LINGO2: variants seen among roughly 807,000 people sequenced by gnomAD.
LINGO2 encodes leucine-rich repeat and immunoglobulin-like domain-containing nogo receptor-interacting protein 2.
A neutral mutation model predicts 30.6 loss-of-function variants in LINGO2; 14 were observed. The ratio of observed to expected loss-of-function variants is 0.46; its 90% CI spans 0.30 to 0.72. The LOEUF is 0.72. Among genes scored for constraint, LINGO2 ranks in the 30% least tolerant of loss-of-function variants. The pLI, the probability that LINGO2 is intolerant of heterozygous loss-of-function variation, is 0.07. For missense variants in LINGO2, 729 were observed against 751.7 expected (o/e 0.97, Z 0.35); for synonymous variants, 317 against 288.5 (o/e 1.10, Z -1.00).
intron 4 of LINGO2, among the ~76,000 whole-genome samples, chr9:28,201,751 C>A (rs1464418452): frequency 1.3e-5 from 2 of 152,002 alleles, no homozygotes; most frequent in African/African-American, 4.8e-5. Context: ...ATATTTAGTT[C>A]TTCCTTTCCC....
chr9:28,092,002 T>C (rs1445539127), intron 4 of LINGO2, among the ~76,000 whole-genome samples: 2 of 152,062 alleles, frequency 1.3e-5, no homozygotes, highest in African/African-American at 2.4e-5. Context: ...TGAGATACCA[T>C]CTCATACCAG....
At chr9:28,171,260 T>A (rs192391664) in intron 4 of LINGO2, among the ~76,000 whole-genome samples, 1 of 152,094 alleles carries the variant, frequency 6.6e-6, no homozygotes, top group Non-Finnish European at 1.5e-5. Flanking sequence ...AAAAACCCAG[T>A]CTGCAGGGAA....
At chr9:28,058,852 TAATC>T (rs1172145656) in intron 4 of LINGO2, among the ~76,000 whole-genome samples, 1 of 152,130 alleles carries the variant, frequency 6.6e-6, no homozygotes, top group Non-Finnish European at 1.5e-5. Context: ...AATTCCAACT[TAATC>T]TAAACTACTG....
chr9:28,052,860 G>C (rs750943970), intron 4 of LINGO2, among the ~76,000 whole-genome samples: 2 of 152,084 alleles, frequency 1.3e-5, no homozygotes, highest in Non-Finnish European at 2.9e-5. Context: ...TTATGTGACA[G>C]TAATTTGGAC....
chr9:28,831,189 A>T, the LINGO2 span, among the ~76,000 whole-genome samples: 1 of 152,248 alleles, frequency 6.6e-6, no homozygotes, highest in Non-Finnish European at 1.5e-5. Context: ...TATGTGTTTG[A>T]TACATTCCCT....
chr9:28,334,110 C>T (rs1489212001), intron 3 of LINGO2, among the ~76,000 whole-genome samples: 1 of 152,120 alleles, frequency 6.6e-6, no homozygotes, highest in African/African-American at 2.4e-5. Flanking sequence ...GAAGCCTTCT[C>T]TGAACATAGA....
the LINGO2 span, among the ~76,000 whole-genome samples, chr9:29,106,908 T>G: frequency 6.6e-6 from 1 of 152,162 alleles, no homozygotes; most frequent in Non-Finnish European, 1.5e-5. Flanking sequence ...CTTGAATTAT[T>G]TCAATGATTT....
chr9:28,993,397 C>T, the LINGO2 span, among the ~76,000 whole-genome samples: 1 of 152,068 alleles, frequency 6.6e-6, no homozygotes, highest in Non-Finnish European at 1.5e-5. Context: ...CAAAAAGAGT[C>T]CAGGACCAGA....
At chr9:29,173,710 A>ATGTAATTC in the LINGO2 span, among the ~76,000 whole-genome samples, 1 of 152,136 alleles carries the variant, frequency 6.6e-6, no homozygotes, top group African/African-American at 2.4e-5. Context: ...ATGAAGAAAG[A>ATGTAATTC]ATGAGGTCTA....
At chr9:28,188,045 G>T (rs984175241) in intron 4 of LINGO2, among the ~76,000 whole-genome samples, 1 of 152,090 alleles carries the variant, frequency 6.6e-6, no homozygotes, top group African/African-American at 2.4e-5. Flanking sequence ...GAATAGGCTC[G>T]TTAATCCTTT....
rs540992048 is a variant in LINGO2, at chr9:28,420,780, A to C, written c.-278-47912T>G. Among the ~76,000 whole-genome samples, 204 of 152,222 alleles carry C rather than the reference A, an allele frequency of 1.3e-3. 1 individual carries two copies. The highest frequency in any genetic ancestry group is 2.4e-3 in the Non-Finnish European group (162 of 67,948). On this transcript the variant is annotated intron_variant, in intron 2 of 5. Transcript: ENST00000379992. ...CTGTGTCAAACCCATAGGTTTGCAC[A>C]AAGTAAGATAGCCCTGTATCATAAC... is the stretch of plus-strand genomic sequence containing the variant.
At chr9:27,954,741 G>A (rs984648845) in intron 5 of LINGO2, among the ~76,000 whole-genome samples, 1 of 152,162 alleles carries the variant, frequency 6.6e-6, no homozygotes, top group African/African-American at 2.4e-5. Context: ...GGAAGAAAAA[G>A]AGGTTTAATG....
At chr9:29,104,635 T>TC in the LINGO2 span, among the ~76,000 whole-genome samples, 1 of 152,116 alleles carries the variant, frequency 6.6e-6, no homozygotes, top group Admixed American at 6.6e-5. Flanking sequence ...CAAAGAAGTC[T>TC]CCTGGGGTCA....
chr9:27,995,324 A>T (rs1379030543), intron 5 of LINGO2, among the ~76,000 whole-genome samples: 1 of 152,138 alleles, frequency 6.6e-6, no homozygotes, highest in East Asian at 1.9e-4. Flanking sequence ...AAGACCTAAT[A>T]CTAATTCTAC....
chr9:28,684,227 G>A, the LINGO2 span, among the ~76,000 whole-genome samples: 4 of 88,750 alleles, frequency 4.5e-5, no homozygotes, highest in Admixed American at 1.9e-4. Context: ...TTTCTCTGTC[G>A]CCCAGGCTGG....
exon 6 of LINGO2, chr9:27,948,717 C>CT (rs2118260580): frequency 9.6e-7 from 1 of 1,044,136 alleles, no homozygotes; most frequent in Non-Finnish European, 1.4e-6. Context: ...GGAAGTCCTC[C>CT]TGCTTCCATA....
At chr9:28,677,716 C>A in the LINGO2 span, among the ~76,000 whole-genome samples, 1 of 152,150 alleles carries the variant, frequency 6.6e-6, no homozygotes, top group Non-Finnish European at 1.5e-5. Context: ...ATGCTACAGT[C>A]ATTTAATAAA....
chr9:28,964,359 C>A, the LINGO2 span, among the ~76,000 whole-genome samples: 1 of 151,770 alleles, frequency 6.6e-6, no homozygotes, highest in Non-Finnish European at 1.5e-5. Flanking sequence ...TGAGCTCAAC[C>A]TTAAAATTAA....
At chr9:27,996,667 GAATT>G (rs930042372) in intron 5 of LINGO2, among the ~76,000 whole-genome samples, 62 of 152,114 alleles carry the variant, frequency 4.1e-4, no homozygotes, top group African/African-American at 1.1e-3. Flanking sequence ...CAGTTAGATA[GAATT>G]AATAAATTCT....
Sources: gnomAD v4.1 joint callset for allele counts (sites outside exome capture counted in the v4.1 genomes callset) on GRCh38, gnomAD v4.1.1 for gene constraint, MANE v1.5 for transcripts, NCBI Gene and HGNC (gene_info 2026-07-23, HGNC 2026-07-21) for gene names.